CAMK2A: variants seen among roughly 807,000 people sequenced by gnomAD.
CAMK2A encodes calcium/calmodulin dependent protein kinase II alpha.
CAMK2A carries 7 observed loss-of-function variants against 79.2 expected under a neutral mutation model. The ratio of observed to expected loss-of-function variants is 0.09; its 90% CI spans 0.05 to 0.17. The LOEUF (loss-of-function observed/expected upper bound fraction) is 0.17, where lower values mean the gene tolerates loss of function less well. Among genes scored for constraint, CAMK2A ranks in the 10% least tolerant of loss-of-function variants. The pLI is 1.00. For synonymous variants in CAMK2A, 242 were observed against 251.7 expected (o/e 0.96, Z 0.36); for missense variants, 214 against 646.4 (o/e 0.33, Z 7.25).
chr5:150,238,779 C>T (rs777135245), intron 14 of CAMK2A, 31 bp from the exon 15 acceptor site: 7 of 1,575,160 alleles, frequency 4.4e-6, no homozygotes, highest in Non-Finnish European at 6.0e-6. Context: ...GATGGTGAGG[C>T]CTGCCTGGGA....
chr5:150,269,981 T>C (rs898145078), intron 2 of CAMK2A, among the ~76,000 whole-genome samples: 1 of 152,146 alleles, frequency 6.6e-6, no homozygotes, highest in African/African-American at 2.4e-5. Flanking sequence ...GACCCCCTCA[T>C]GCTCGAGCTG....
chr5:150,258,602 T>C (rs1756164506), intron 3 of CAMK2A, among the ~76,000 whole-genome samples: 1 of 152,220 alleles, frequency 6.6e-6, no homozygotes, highest in Admixed American at 6.5e-5. Context: ...TAAGTCTCTC[T>C]GGAAGAATAC....
At position 150,243,628 on chromosome 5, in the gene CAMK2A, A is replaced by G. The variant is rs58450194; in HGVS notation, c.984+1533T>C. 4.5e-3 allele frequency among the ~76,000 whole-genome samples: 684 copies of G among 152,344 alleles called. 6 individuals carry two copies. The highest frequency in any genetic ancestry group is 0.016 in the African/African-American group (662 of 41,570). On this transcript the variant is annotated intron_variant, in intron 13 of 18. Coordinates refer to ENST00000671881, the MANE Select transcript of CAMK2A (RefSeq NM_015981.4). ...AAACTTGGTTTTCAAGAGAAATTTT[A>G]CCCAAAAGTCTAATACATAAAATAG...
At chr5:150,245,289 C>T (rs560536722) in intron 12 of CAMK2A, 88 bp from the exon 13 acceptor site, 2 of 1,301,690 alleles carry the variant, frequency 1.5e-6, no homozygotes, top group Non-Finnish European at 2.2e-6. Context: ...CACACGCAGC[C>T]GGAGGGCAGA....
intron 6 of CAMK2A, among the ~76,000 whole-genome samples, chr5:150,253,887 T>A (rs913621616): frequency 6.6e-6 from 1 of 152,230 alleles, no homozygotes; most frequent in Admixed American, 6.5e-5. Flanking sequence ...GCATTGATTG[T>A]GCCCCTACTA....
intron 17 of CAMK2A, among the ~76,000 whole-genome samples, chr5:150,224,233 C>T (rs1754487453): frequency 1.3e-5 from 2 of 152,198 alleles, no homozygotes; most frequent in African/African-American, 2.4e-5. Context: ...AAGACAATGA[C>T]CCAGGGAGGG....
chr5:150,245,055 G>T, intron 13 of CAMK2A, 106 bp downstream of exon 13: 2 of 1,152,682 alleles, frequency 1.7e-6, no homozygotes, highest in Non-Finnish European at 2.6e-6. Context: ...CGTCTGCCCA[G>T]GACACCATCA....
rs549185566 is a variant in CAMK2A at position 150,256,758 on chromosome 5, A to G, written c.338+8T>C. On this transcript the variant is annotated splice_region_variant and intron_variant, in intron 5 of 18. Transcript: ENST00000671881. The surrounding 1 kb of genome is among the most constrained non-coding windows in gnomAD (Gnocchi z 4.6). Reference sequence around the variant, plus strand: ...GGGTGCCATTGCCAGGCAGCACCTGACACTCACCTGGCATCCGCCTCACTG... The same window carrying G: ...GGGTGCCATTGCCAGGCAGCACCTGGCACTCACCTGGCATCCGCCTCACTG... The G allele has an allele frequency of 5.0e-6, 8 of 1,612,628 alleles. No homozygotes were observed. In the African/African-American group the frequency reaches 1.1e-4, roughly 22 times the overall value.
intron 2 of CAMK2A, among the ~76,000 whole-genome samples, chr5:150,266,932 C>T (rs1412903705): frequency 2.6e-5 from 4 of 152,190 alleles, no homozygotes; most frequent in Non-Finnish European, 5.9e-5. Context: ...CCCCTTTCCC[C>T]TGCCCCCTTC....
At position 150,289,613 on chromosome 5, in the gene CAMK2A, T is replaced by A. The variant is rs1757578151; in HGVS notation, c.13A>T (p.Thr5Ser). The change falls in exon 1 of 19, where the codon ACC (threonine) becomes TCC (serine). Residue 5 changes from threonine (T) to serine (S), a missense_variant. Around this residue, in one of 4 missense-constraint regions of CAMK2A, gnomAD observed 72 missense variants for 333.9 expected, o/e 0.22. Coordinates refer to ENST00000671881, the MANE Select transcript of CAMK2A (RefSeq NM_015981.4). ...TACTCTTCCGTGAAGCGGGTGCAGG[T>A]GATGGTGGCCATCCTGGCGCTGGGC... MATI[T>S]CTRFTEEYQL... The A allele has an allele frequency of 6.2e-7, 1 of 1,613,768 alleles. No individual in the cohort carries two copies. The highest frequency in any genetic ancestry group is 1.7e-5 in the Admixed American group (1 of 59,998).
intron 13 of CAMK2A, 56 bp downstream of exon 13, chr5:150,245,105 C>G (rs1755506289): frequency 5.1e-6 from 8 of 1,570,974 alleles, no homozygotes; most frequent in Admixed American, 1.7e-5. Flanking sequence ...AAGCCGGTCT[C>G]TGTTGGCAGA....
chr5:150,226,743 AAGG>A (rs1562131858), intron 17 of CAMK2A, among the ~76,000 whole-genome samples: 6 of 108,484 alleles, frequency 5.5e-5, no homozygotes, highest in Admixed American at 9.4e-5. Context: ...AAAAAAAAAA[AAGG>A]GGGGGGGGGG....
chr5:150,240,569 G>A (rs905027377), intron 13 of CAMK2A, among the ~76,000 whole-genome samples: 4 of 152,174 alleles, frequency 2.6e-5, no homozygotes, highest in Non-Finnish European at 4.4e-5. Context: ...GAAGGAGAGG[G>A]GGACAAATGT....
intron 1 of CAMK2A, among the ~76,000 whole-genome samples, chr5:150,288,608 C>A (rs1463817058): frequency 1.3e-5 from 2 of 152,208 alleles, no homozygotes; most frequent in Non-Finnish European, 2.9e-5. Context: ...GCCCCTCCCC[C>A]CGTGCTCCTG....
intron 15 of CAMK2A, among the ~76,000 whole-genome samples, chr5:150,236,267 C>A (rs1755054598): frequency 6.6e-6 from 1 of 152,100 alleles, no homozygotes; most frequent in African/African-American, 2.4e-5. Flanking sequence ...TATTGTATTC[C>A]AAATATTTCT....
At chr5:150,240,140 A>T (rs1755274042) in intron 13 of CAMK2A, among the ~76,000 whole-genome samples, 1 of 152,164 alleles carries the variant, frequency 6.6e-6, no homozygotes, top group Admixed American at 6.5e-5. Context: ...CCTGGAAGTG[A>T]GGCCCAATGT....
At chr5:150,256,000 G>A (rs1334188828) in intron 6 of CAMK2A, among the ~76,000 whole-genome samples, 1 of 152,332 alleles carries the variant, frequency 6.6e-6, no homozygotes, top group Non-Finnish European at 1.5e-5. Flanking sequence ...GCTGGTGCCA[G>A]TCCTAGACTC....
intron 16 of CAMK2A, 152 bp downstream of exon 16, chr5:150,231,153 G>A (rs550845098): frequency 1.6e-5 from 7 of 441,692 alleles, no homozygotes; most frequent in African/African-American, 1.0e-4. Flanking sequence ...CATCAAGTCC[G>A]GATGCAAAAT....
At chr5:150,227,973 G>A (rs923940306) in intron 17 of CAMK2A, among the ~76,000 whole-genome samples, 1 of 152,124 alleles carries the variant, frequency 6.6e-6, no homozygotes, top group Non-Finnish European at 1.5e-5. Flanking sequence ...CTGGGACCTC[G>A]CCTGCCCCAT....
Sources: gnomAD v4.1 joint callset for allele counts (sites outside exome capture counted in the v4.1 genomes callset) on GRCh38, gnomAD v4.1.1 for gene constraint, gnomAD v4.1.1 regional missense constraint, Gnocchi (gnomAD v3.1) non-coding constraint, MANE v1.5 for transcripts, NCBI Gene and HGNC (gene_info 2026-07-23, HGNC 2026-07-21) for gene names.